Variants in FAM78B observed in about 807,000 individuals in gnomAD.
The protein encoded by FAM78B is protein FAM78B.
A neutral mutation model predicts 20.0 loss-of-function variants in FAM78B; 10 were observed. The observed-to-expected ratio is 0.50, with a 90% CI of 0.31 to 0.85. The LOEUF is 0.85. FAM78B is among the 40% of genes least tolerant of loss of function. FAM78B has a pLI of 0.05. For synonymous variants in FAM78B, 135 were observed against 132.8 expected (o/e 1.02, Z -0.12); for missense variants, 283 against 345.0 (o/e 0.82, Z 1.42).
chr1:166,160,463 C>T (rs898538800), intron 1 of FAM78B, among the ~76,000 whole-genome samples: 13 of 152,244 alleles, frequency 8.5e-5, no homozygotes, highest in African/African-American at 3.1e-4. Flanking sequence ...GTGTACAGAA[C>T]ACCTCAGGGA....
intron 1 of FAM78B, among the ~76,000 whole-genome samples, chr1:166,104,095 A>C (rs1204584907): frequency 6.6e-6 from 1 of 152,220 alleles, no homozygotes; most frequent in Non-Finnish European, 1.5e-5. Context: ...AGAACCAACA[A>C]CAAAAACCAC....
At chr1:166,160,899 C>T (rs1047077973) in intron 1 of FAM78B, among the ~76,000 whole-genome samples, 12 of 152,142 alleles carry the variant, frequency 7.9e-5, no homozygotes, top group Non-Finnish European at 1.8e-4. Context: ...ATAAGAACAG[C>T]GCATCTTGAA....
chr1:166,127,903 C>T (rs1457419397), intron 1 of FAM78B, among the ~76,000 whole-genome samples: 2 of 152,174 alleles, frequency 1.3e-5, no homozygotes, highest in East Asian at 3.9e-4. Context: ...TGGATCCACA[C>T]ATAATTACTT....
chr1:166,140,817 G>A (rs565773104), intron 1 of FAM78B, among the ~76,000 whole-genome samples: 3 of 152,326 alleles, frequency 2.0e-5, no homozygotes, highest in East Asian at 3.9e-4. Flanking sequence ...GAGAGGAAGT[G>A]ACTTGAAGTT....
intron 1 of FAM78B, among the ~76,000 whole-genome samples, chr1:166,156,270 C>T (rs751725081): frequency 2.0e-5 from 3 of 152,244 alleles, no homozygotes; most frequent in African/African-American, 7.2e-5. Context: ...TCTCTTTGCG[C>T]TTGTTGAAGA....
At chr1:166,154,270 G>C (rs559717580) in intron 1 of FAM78B, among the ~76,000 whole-genome samples, 1 of 152,324 alleles carries the variant, frequency 6.6e-6, no homozygotes, top group South Asian at 2.1e-4. Flanking sequence ...ATCAGCACCA[G>C]GGCTAGGGTA....
At chr1:166,156,028 G>A (rs545674565) in intron 1 of FAM78B, among the ~76,000 whole-genome samples, 37 of 152,294 alleles carry the variant, frequency 2.4e-4, no homozygotes, top group African/African-American at 8.2e-4. Flanking sequence ...TGCTGACTGC[G>A]GATGCCGATT....
intron 1 of FAM78B, among the ~76,000 whole-genome samples, chr1:166,132,779 C>A (rs193216837): frequency 8.1e-4 from 124 of 152,238 alleles, no homozygotes; most frequent in African/African-American, 2.9e-3. Context: ...CTAAGTGTAC[C>A]AGAAAGGCCA....
At chr1:166,108,744 T>C (rs1653882429) in intron 1 of FAM78B, among the ~76,000 whole-genome samples, 1 of 152,158 alleles carries the variant, frequency 6.6e-6, no homozygotes. Flanking sequence ...GGCATCACAC[T>C]ACCTGATTTC....
intron 1 of FAM78B, among the ~76,000 whole-genome samples, chr1:166,161,149 TTTTC>T (rs927127636): frequency 1.3e-4 from 19 of 151,626 alleles, no homozygotes; most frequent in South Asian, 2.1e-4. Flanking sequence ...CAGAAAGAGA[TTTTC>T]TTTCTTTTTT....
chr1:166,152,371 C>G (rs1178875418), intron 1 of FAM78B, among the ~76,000 whole-genome samples: 1 of 152,206 alleles, frequency 6.6e-6, no homozygotes, highest in Non-Finnish European at 1.5e-5. Context: ...TTTGTCTGGT[C>G]TTGTCGTGAG....
chr1:166,121,428 T>C (rs2101768879), intron 1 of FAM78B, among the ~76,000 whole-genome samples: 1 of 152,286 alleles, frequency 6.6e-6, no homozygotes, highest in South Asian at 2.1e-4. Context: ...GGGAGCTCTA[T>C]ACTGTCTAAG....
At chr1:166,153,565 T>C (rs79000744) in intron 1 of FAM78B, among the ~76,000 whole-genome samples, 4,061 of 152,226 alleles carry the variant, frequency 0.027, 228 homozygotes, top group Admixed American at 0.13. Context: ...AGGGTCCACA[T>C]AGCCCAAGAA....
intron 1 of FAM78B, among the ~76,000 whole-genome samples, chr1:166,078,233 T>C (rs1420690025): frequency 1.3e-5 from 2 of 151,890 alleles, no homozygotes; most frequent in Non-Finnish European, 2.9e-5. Context: ...GGTTTCACCA[T>C]GTTAGCCAGG....
rs547058684 is a variant in FAM78B, at chr1:166,114,525, A to G, written c.264-43762T>C. Among the ~76,000 whole-genome samples, 17 of 152,310 alleles carry G rather than the reference A, an allele frequency of 1.1e-4. 1 individual carries two copies. The South Asian group carries it at 1.9e-3, about 17-fold the overall frequency. On this transcript the variant is annotated intron_variant, in intron 1 of 1. Transcript: ENST00000354422. ...AATAGAGACAAATTCTCCAGAACCA[A>G]TTTTCAAGGAGAAAAGAAGAAATGC... is the stretch of plus-strand genomic sequence containing the variant.
rs150231867 is a variant in FAM78B at position 166,151,441 on chromosome 1, T to C, written c.263+14545A>G. Among the ~76,000 whole-genome samples the C allele has an allele frequency of 1.3e-4, 20 of 152,320 alleles. 1 individual carries two copies. The highest frequency in any genetic ancestry group is 4.1e-4 in the South Asian group (2 of 4,830). On this transcript the variant is annotated intron_variant, in intron 1 of 1. Transcript: ENST00000354422. ...AAGCACCAGATGTTGAAGGTAAATC[T>C]TGAAAAAACCCTCCCAGCATCCAAG...
chr1:166,113,750 G>C (rs1012754827), intron 1 of FAM78B, among the ~76,000 whole-genome samples: 1 of 152,168 alleles, frequency 6.6e-6, no homozygotes, highest in African/African-American at 2.4e-5. Context: ...GCAATGAAAG[G>C]GTGTTTCCTG....
At chr1:166,127,630 T>C (rs1654692256) in intron 1 of FAM78B, among the ~76,000 whole-genome samples, 2 of 152,210 alleles carry the variant, frequency 1.3e-5, no homozygotes, top group Admixed American at 1.3e-4. Context: ...AGAAATTGAA[T>C]TTGTTGCTAC....
intron 1 of FAM78B, among the ~76,000 whole-genome samples, chr1:166,109,293 A>G (rs1653904895): frequency 6.6e-6 from 1 of 152,220 alleles, no homozygotes; most frequent in African/African-American, 2.4e-5. Context: ...ATCTATAATG[A>G]ACTCAAACAA....
Sources: allele counts gnomAD v4.1 joint callset (sites outside exome capture counted in the v4.1 genomes callset), GRCh38; gene constraint gnomAD v4.1.1; transcripts MANE v1.5; gene names NCBI Gene and HGNC (gene_info 2026-07-23, HGNC 2026-07-21).